HACD3: variants seen among roughly 807,000 people sequenced by gnomAD.
HACD3 encodes the protein very-long-chain (3R)-3-hydroxyacyl-CoA dehydratase 3.
HACD3 carries 30 observed loss-of-function variants against 55.2 expected under a neutral mutation model. That is an observed-to-expected ratio of 0.54 (90% CI 0.41 to 0.74). The LOEUF (loss-of-function observed/expected upper bound fraction) is 0.74, where lower values mean the gene tolerates loss of function less well. Among genes scored for constraint, HACD3 ranks in the 30% least tolerant of loss-of-function variants. HACD3 has a pLI of 0.00. For synonymous variants in HACD3, 141 were observed against 151.7 expected (o/e 0.93, Z 0.52); for missense variants, 363 against 440.1 (o/e 0.82, Z 1.57).
chr15:65,568,816 G>T (rs74719828), intron 7 of HACD3, among the ~76,000 whole-genome samples: 2 of 152,148 alleles, frequency 1.3e-5, no homozygotes, highest in Non-Finnish European at 2.9e-5. Context: ...ATGGTACAAA[G>T]ATAGTCACAC....
chr15:65,534,760 G>T (rs1351673729), intron 1 of HACD3, among the ~76,000 whole-genome samples: 5 of 152,134 alleles, frequency 3.3e-5, no homozygotes, highest in Non-Finnish European at 5.9e-5. Context: ...TGAACCTGAC[G>T]CTCTTCATCC....
Position 65,530,939 on chromosome 15 carries a change from C to A in HACD3, c.87+221C>A, listed in dbSNP as rs763149124. 133 of 516,798 alleles carry A rather than the reference C, an allele frequency of 2.6e-4. 2 individuals carry two copies. The highest frequency in any genetic ancestry group is 2.0e-3 in the Middle Eastern group (4 of 1,974). 32.0% of individuals were successfully genotyped at this position (516,798 alleles called of 1,614,324 possible). A position where few individuals can be genotyped will look rare whatever the true frequency, so the allele number is the denominator to read the frequency against. ...CGAGGGCTGCAGGAACCTTCGGGTC[C>A]CCAGAGAGCTCGGCCTGGGCCTCTC... On this transcript the variant is annotated intron_variant, in intron 1 of 10. Transcript: ENST00000261875.
intron 1 of HACD3, among the ~76,000 whole-genome samples, chr15:65,539,584 C>T (rs1052050492): frequency 6.6e-6 from 1 of 152,084 alleles, no homozygotes; most frequent in Admixed American, 6.6e-5. Context: ...AACAGTTTTA[C>T]ACTATCTTGT....
chr15:65,550,893 G>C (rs747064788), intron 1 of HACD3: 3 of 152,184 alleles, frequency 2.0e-5, no homozygotes, highest in Non-Finnish European at 4.4e-5. Flanking sequence ...TCATCCACTG[G>C]AAAAAGTGTT....
intron 1 of HACD3, among the ~76,000 whole-genome samples, chr15:65,532,504 A>C (rs901014952): frequency 2.6e-5 from 4 of 152,018 alleles, no homozygotes; most frequent in African/African-American, 9.7e-5. Context: ...GCATGCGTGT[A>C]ATTCACTATG....
chr15:65,574,051 A>G (rs1487753250), intron 10 of HACD3, among the ~76,000 whole-genome samples: 2 of 152,246 alleles, frequency 1.3e-5, no homozygotes, highest in African/African-American at 4.8e-5. Flanking sequence ...TAGCCACAGA[A>G]GGATGCAACA....
intron 1 of HACD3, among the ~76,000 whole-genome samples, chr15:65,533,656 C>T (rs1260753715): frequency 6.7e-6 from 1 of 149,052 alleles, no homozygotes; most frequent in South Asian, 2.1e-4. Flanking sequence ...TGGAGTGTCA[C>T]GGGTTGCCTT....
chr15:65,571,709 C>T, intron 9 of HACD3, 55 bp downstream of exon 9: 1 of 1,342,848 alleles, frequency 7.4e-7, no homozygotes, highest in South Asian at 1.2e-5. Flanking sequence ...TACCCAGAGG[C>T]TGAGAGACCA....
chr15:65,536,189 G>C (rs1330744191), intron 1 of HACD3, among the ~76,000 whole-genome samples: 1 of 151,780 alleles, frequency 6.6e-6, no homozygotes, highest in Non-Finnish European at 1.5e-5. Flanking sequence ...GCTAGTTTTT[G>C]TATTTTTTGT....
At chr15:65,544,963 G>T (rs1275314688) in intron 1 of HACD3, among the ~76,000 whole-genome samples, 1 of 151,830 alleles carries the variant, frequency 6.6e-6, no homozygotes, top group Non-Finnish European at 1.5e-5. Flanking sequence ...GGAGGTTGCG[G>T]TGAGCCGAGA....
At chr15:65,548,658 G>T (rs996524435) in intron 1 of HACD3, among the ~76,000 whole-genome samples, 1 of 151,726 alleles carries the variant, frequency 6.6e-6, no homozygotes, top group African/African-American at 2.4e-5. Context: ...CTGCAGCTTC[G>T]ACCTCCTGGG....
In HACD3 at chr15:65,576,377, T is replaced by TA. The variant is rs772827018; in HGVS notation, c.*3dup. 3.1e-6 allele frequency: 5 copies of TA among 1,597,404 alleles called. No homozygotes were observed. Among genetic ancestry groups the TA allele is most frequent in the Non-Finnish European group, 4.3e-6 (5 of 1,171,708 alleles). ...RYGQKKKKIH[*] ...TGGACAAAAAAAGAAAAAGATCCAC[T>TA]AAAAAGAAAGATTTAGATGGCTTCT... The change falls in exon 11 of 11, where the codon TAA becomes TAAA. Residue 363 remains the stop codon, a frameshift_variant and stop_retained_variant. Coordinates refer to ENST00000261875, the MANE Select transcript of HACD3 (RefSeq NM_016395.4). LOFTEE classifies it high-confidence loss of function.
chr15:65,552,910 T>TC (rs1019156046), intron 2 of HACD3, among the ~76,000 whole-genome samples: 3 of 151,340 alleles, frequency 2.0e-5, no homozygotes, highest in Non-Finnish European at 4.4e-5. Flanking sequence ...ATCTCATTGT[T>TC]CAATTCCCAC....
chr15:65,531,974 A>G (rs2071905746), intron 1 of HACD3, among the ~76,000 whole-genome samples: 1 of 152,094 alleles, frequency 6.6e-6, no homozygotes, highest in Non-Finnish European at 1.5e-5. Flanking sequence ...CTGAACAGGC[A>G]TCTGCTTGGA....
intron 10 of HACD3, 118 bp downstream of exon 10, chr15:65,572,484 AT>A: frequency 8.1e-7 from 1 of 1,237,856 alleles, no homozygotes; most frequent in Non-Finnish European, 1.1e-6. Context: ...TTAGAGAATG[AT>A]TACTTTGCAA....
chr15:65,562,995 C>T, intron 6 of HACD3, 111 bp downstream of exon 6: 1 of 1,470,420 alleles, frequency 6.8e-7, no homozygotes, highest in Non-Finnish European at 9.1e-7. Context: ...TGCATTTGTG[C>T]AGCACCCTCT....
At position 65,562,774 on chromosome 15, in the gene HACD3, C is replaced by G. The variant is rs1349356506; in HGVS notation, c.422C>G (p.Thr141Ser). 1 of 1,613,490 alleles carries G rather than the reference C, an allele frequency of 6.2e-7. No individual in the cohort carries two copies. The highest frequency in any genetic ancestry group is 1.3e-5 in the African/African-American group (1 of 75,018). Residue 141 changes from threonine (T) to serine (S), a missense_variant and splice_region_variant, in exon 6 of 11, where the codon ACT becomes AGT. Coordinates refer to ENST00000261875, the MANE Select transcript of HACD3 (RefSeq NM_016395.4). ...LRLESEGSPE[T>S]LTNLRKGYLF... ...CTTACTGCTTTGCTTTGCTTTACAGCTCTTACAAACTTAAGGAAAGGATAC... is the reference window on the plus strand; with the variant it reads ...CTTACTGCTTTGCTTTGCTTTACAGGTCTTACAAACTTAAGGAAAGGATAC...
chr15:65,532,562 G>C (rs2071912433), intron 1 of HACD3, among the ~76,000 whole-genome samples: 1 of 151,650 alleles, frequency 6.6e-6, no homozygotes, highest in East Asian at 1.9e-4. Flanking sequence ...AACCCGGGAG[G>C]CGGAGGTTGC....
intron 1 of HACD3, among the ~76,000 whole-genome samples, chr15:65,532,632 CAAAAA>C (rs564490649): frequency 3.0e-5 from 2 of 66,552 alleles, no homozygotes; most frequent in Admixed American, 1.7e-4. Flanking sequence ...AACTCTGTCT[CAAAAA>C]AAAAAAAAAA....
Sources: gnomAD v4.1 joint callset for allele counts (sites outside exome capture counted in the v4.1 genomes callset) on GRCh38, gnomAD v4.1.1 for gene constraint, MANE v1.5 for transcripts, NCBI Gene and HGNC (gene_info 2026-07-23, HGNC 2026-07-21) for gene names.